Variants in SNX8 observed in about 807,000 individuals in gnomAD.
SNX8 encodes sorting nexin-8.
A neutral mutation model predicts 51.6 loss-of-function variants in SNX8; 25 were observed. The observed-to-expected ratio is 0.48, with a 90% CI of 0.35 to 0.68. The LOEUF is 0.68. SNX8 is among the 30% of genes least tolerant of loss of function. The pLI, the probability that SNX8 is intolerant of heterozygous loss-of-function variation, is 0.00. For missense variants in SNX8, 695 were observed against 624.0 expected, an observed-to-expected ratio of 1.11 and a Z score of -1.21; for synonymous variants, 324 against 277.0, an observed-to-expected ratio of 1.17 and a Z score of -1.68.
intron 1 of SNX8, among the ~76,000 whole-genome samples, chr7:2,348,434 G>A (rs1270556771): frequency 1.3e-5 from 2 of 150,466 alleles, no homozygotes; most frequent in South Asian, 2.1e-4. Flanking sequence ...TCCGCCTTCC[G>A]GGTTCACGCC....
intron 5 of SNX8, among the ~76,000 whole-genome samples, chr7:2,266,887 T>C (rs913989886): frequency 3.3e-5 from 5 of 152,224 alleles, no homozygotes. Context: ...TTAGTCTTTT[T>C]TGGAAAAAGA....
chr7:2,352,629 G>A (rs1169715544), intron 1 of SNX8, among the ~76,000 whole-genome samples: 7 of 151,836 alleles, frequency 4.6e-5, no homozygotes, highest in African/African-American at 1.2e-4. Context: ...TCAGGAGATC[G>A]AGACCATCCT....
rs1242478157 is a variant in SNX8, at chr7:2,267,924, C to T, written c.621+1635G>A. On this transcript the variant is annotated intron_variant, in intron 5 of 10. Transcript: ENST00000222990. ...GAAGTGAGGAGCGTCTCTGCCCGGCCGCCCATAGTCTGAGATGTGGGGAGC... is the reference window on the plus strand; with the variant it reads ...GAAGTGAGGAGCGTCTCTGCCCGGCTGCCCATAGTCTGAGATGTGGGGAGC... Among the ~76,000 whole-genome samples the T allele has an allele frequency of 4.4e-4, 50 of 112,434 alleles. 1 individual carries two copies. Among genetic ancestry groups the T allele is most frequent in the African/African-American group, 1.7e-3 (48 of 27,684 alleles). 73.8% of individuals were successfully genotyped at this position (112,434 alleles called of 152,430 possible).
At chr7:2,257,540 C>T in intron 8 of SNX8, 26 bp from the exon 9 acceptor site, 1 of 1,599,754 alleles carries the variant, frequency 6.3e-7, no homozygotes, top group East Asian at 2.2e-5. Flanking sequence ...AGGCATTCGC[C>T]CGCTGTCTGG....
chr7:2,291,702 G>A (rs992911166), intron 1 of SNX8, among the ~76,000 whole-genome samples: 30 of 151,864 alleles, frequency 2.0e-4, no homozygotes, highest in African/African-American at 7.3e-4. Flanking sequence ...CAGGCTCCAA[G>A]CTCAGTTCAA....
intron 1 of SNX8, among the ~76,000 whole-genome samples, chr7:2,339,669 A>T (rs1778887542): frequency 6.6e-6 from 1 of 152,130 alleles, no homozygotes; most frequent in African/African-American, 2.4e-5. Flanking sequence ...TTCTAAATCC[A>T]AATGAAAGAG....
chr7:2,337,206 A>G (rs1778847066), intron 1 of SNX8: 1 of 151,760 alleles, frequency 6.6e-6, no homozygotes, highest in South Asian at 2.1e-4. Context: ...TGTAATCCCC[A>G]CACTTTCAGA....
intron 1 of SNX8, among the ~76,000 whole-genome samples, chr7:2,303,106 G>T (rs903133202): frequency 1.1e-4 from 16 of 144,998 alleles, no homozygotes; most frequent in Non-Finnish European, 2.4e-4. Flanking sequence ...GGAGGGAGGT[G>T]GGGGGGTCAG....
chr7:2,346,521 G>C (rs1779029811), intron 1 of SNX8, among the ~76,000 whole-genome samples: 1 of 151,566 alleles, frequency 6.6e-6, no homozygotes, highest in South Asian at 2.1e-4. Flanking sequence ...GCCGAGGTGG[G>C]AGGATCACGA....
At chr7:2,271,083 G>A (rs1363379123) in intron 4 of SNX8, among the ~76,000 whole-genome samples, 4 of 152,128 alleles carry the variant, frequency 2.6e-5, no homozygotes, top group East Asian at 1.9e-4. Flanking sequence ...TCACTCTGTC[G>A]CCCAGGCTGG....
intron 1 of SNX8, 112 bp downstream of exon 1, chr7:2,314,216 C>T: frequency 1.8e-6 from 2 of 1,103,070 alleles, no homozygotes; most frequent in Non-Finnish European, 2.3e-6. Flanking sequence ...ACGCGGGGCG[C>T]GGGGGCAGGA....
intron 1 of SNX8, among the ~76,000 whole-genome samples, chr7:2,334,646 G>A (rs1372873106): frequency 6.6e-6 from 1 of 152,010 alleles, no homozygotes; most frequent in Admixed American, 6.6e-5. Context: ...GTTGCAGTAA[G>A]CTGAGATCAA....
At chr7:2,256,658 C>T (rs1188963983) in intron 10 of SNX8, among the ~76,000 whole-genome samples, 2 of 152,242 alleles carry the variant, frequency 1.3e-5, no homozygotes, top group Admixed American at 6.5e-5. Flanking sequence ...CCTCCGCCCC[C>T]CAGGAATCAC....
At chr7:2,304,262 C>G (rs899972252) in intron 1 of SNX8, among the ~76,000 whole-genome samples, 2 of 151,916 alleles carry the variant, frequency 1.3e-5, no homozygotes, top group African/African-American at 4.8e-5. Context: ...TCCATCTCCC[C>G]GGCCGGGCAC....
At chr7:2,267,950 G>C (rs1404083047) in intron 5 of SNX8, among the ~76,000 whole-genome samples, 1 of 131,150 alleles carries the variant, frequency 7.6e-6, no homozygotes, top group Non-Finnish European at 1.6e-5. Flanking sequence ...TGTGGGGAGC[G>C]CCTCTGCCCC....
chr7:2,312,088 C>T (rs765197921), intron 1 of SNX8, among the ~76,000 whole-genome samples: 2 of 152,262 alleles, frequency 1.3e-5, no homozygotes, highest in African/African-American at 2.4e-5. Flanking sequence ...TGAAGCACTG[C>T]CTTGTCCCAG....
At position 2,263,252 on chromosome 7, in the gene SNX8, A is replaced by T. The variant is rs764488673; in HGVS notation, c.893T>A (p.Leu298His). 1.2e-6 allele frequency: 2 copies of T among 1,613,942 alleles called. No homozygotes were observed. Among genetic ancestry groups the T allele is most frequent in the East Asian group, 2.2e-5 (1 of 44,880 alleles). ...CACCTGTTGTGCAGCCTTGTCGGCGAGCAGCGCGAATTCCACAGACAGGCC... is the reference window on the plus strand; with the variant it reads ...CACCTGTTGTGCAGCCTTGTCGGCGTGCAGCGCGAATTCCACAGACAGGCC... ...LKGLSVEFAL[L>H]ADKAAQQGKQ... The change falls in exon 7 of 11, where the codon CTC becomes CAC. Residue 298 changes from leucine to histidine, a missense_variant. Leu to His is a moderately conservative substitution (Grantham distance 99). Coordinates refer to ENST00000222990, the MANE Select transcript of SNX8 (RefSeq NM_013321.4).
Position 2,257,497 on chromosome 7 carries a change from A to T in SNX8, c.1002T>A (p.His334Gln). 1 of 1,604,318 alleles carries T rather than the reference A, an allele frequency of 6.2e-7. No individual in the cohort carries two copies. The highest frequency in any genetic ancestry group is 8.5e-7 in the Non-Finnish European group (1 of 1,177,760). Residue 334 changes from histidine to glutamine, a missense_variant, in exon 9 of 11, where the codon CAT (histidine) becomes CAA (glutamine). Transcript: ENST00000222990. The stretch of plus-strand genomic sequence containing the variant: ...GGTGCTTGTGCAACACGCCCTTCTC[A>T]TGCCGCTCGCACAGGTCCTGCGGGG... ...LQSYKDLCER[H>Q]EKGVLHKHQR...
chr7:2,267,957 C>T (rs1795514964), intron 5 of SNX8, among the ~76,000 whole-genome samples: 1 of 136,426 alleles, frequency 7.3e-6, no homozygotes, highest in African/African-American at 2.8e-5. Context: ...AGCGCCTCTG[C>T]CCCGCCGCCC....
Sources: gnomAD v4.1 joint callset for allele counts (sites outside exome capture counted in the v4.1 genomes callset) on GRCh38, gnomAD v4.1.1 for gene constraint, MANE v1.5 for transcripts, NCBI Gene and HGNC (gene_info 2026-07-23, HGNC 2026-07-21) for gene names.